Variants in BLM observed in about 807,000 individuals in gnomAD.
The protein encoded by BLM is recQ-like DNA helicase BLM.
Under a neutral mutation model 135.3 loss-of-function variants are expected in BLM, and 95 were observed. The ratio of observed to expected loss-of-function variants is 0.70; its 90% CI spans 0.59 to 0.83. The LOEUF (loss-of-function observed/expected upper bound fraction) is 0.83, where lower values mean the gene tolerates loss of function less well. Ranked by LOEUF, BLM falls within the 40% of genes least tolerant of loss-of-function variation. The pLI is 0.00. For synonymous variants in BLM, 520 were observed against 589.2 expected (o/e 0.88, Z 1.70); for missense variants, 1,518 against 1,663.9 (o/e 0.91, Z 1.53).
rs754875148 is a variant in BLM, at chr15:90,815,270, A to G, written c.4245A>G (p.Ala1415=). ...GACCGTTTCTTAAGCCTTCATATGC[A>G]TTCTCATAACAACCGAATCTCAATG... The part of the protein sequence containing the change: ...INRPFLKPSY[A]FS The change falls in exon 22 of 22, where the codon GCA becomes GCG. Residue 1415 remains alanine (A), a synonymous_variant. Transcript: ENST00000355112. This position sits in a 1 kb window ranked among gnomAD's most constrained non-coding sequence, Gnocchi z 4.6. 1 of 1,614,060 alleles carries G rather than the reference A, an allele frequency of 6.2e-7. No individual in the cohort carries two copies. The highest frequency in any genetic ancestry group is 2.2e-5 in the East Asian group (1 of 44,882).
At chr15:90,748,342 A>G (rs1264727481) in intron 2 of BLM, among the ~76,000 whole-genome samples, 3 of 150,704 alleles carry the variant, frequency 2.0e-5, no homozygotes, top group Non-Finnish European at 3.0e-5. Flanking sequence ...TCCTGACCTC[A>G]AGTGATCCGC....
chr15:90,756,190 G>A (rs1436838549), intron 5 of BLM, among the ~76,000 whole-genome samples: 1 of 151,086 alleles, frequency 6.6e-6, no homozygotes, highest in Non-Finnish European at 1.5e-5. Context: ...TGCAGCCTCC[G>A]CCTTCCAGGA....
At chr15:90,798,411 T>C (rs1249628340) in intron 17 of BLM, 74 bp downstream of exon 17, 1 of 1,485,434 alleles carries the variant, frequency 6.7e-7, no homozygotes, top group African/African-American at 1.4e-5. Context: ...TACAAGTACA[T>C]AGAAAAACTT....
At chr15:90,724,821 G>A (rs913324105) in intron 1 of BLM, among the ~76,000 whole-genome samples, 4 of 152,072 alleles carry the variant, frequency 2.6e-5, no homozygotes, top group Non-Finnish European at 4.4e-5. Flanking sequence ...GGGTTTTTAC[G>A]TAGGCCTCCT....
In BLM at chr15:90,749,896, C is replaced by G. The variant is rs1301077071; in HGVS notation, c.628C>G (p.Pro210Ala). The change falls in exon 3 of 22, where the codon CCA becomes GCA. Residue 210 changes from proline to alanine, a missense_variant. Coordinates refer to ENST00000355112, the MANE Select transcript of BLM (RefSeq NM_000057.4). Reference sequence around the variant, plus strand: ...AAACACAGTAAAGACTGATTTGCCTCCACCCTCCTCTGAAAGCGAGCAAAT... The same window carrying G: ...AAACACAGTAAAGACTGATTTGCCTGCACCCTCCTCTGAAAGCGAGCAAAT... ...TTNTVKTDLPPPSSESEQIDL... is the reference protein window; with the variant it reads ...TTNTVKTDLPAPSSESEQIDL... 2 of 1,612,454 alleles carry G rather than the reference C, an allele frequency of 1.2e-6. No individual in the cohort carries two copies. The highest frequency in any genetic ancestry group is 2.2e-5 in the South Asian group (2 of 91,012).
chr15:90,805,573 A>T (rs992582160), intron 19 of BLM, among the ~76,000 whole-genome samples: 18 of 150,688 alleles, frequency 1.2e-4, no homozygotes, highest in Non-Finnish European at 8.9e-5. Flanking sequence ...GTGGATCATG[A>T]GGTCAGGAGT....
At position 90,811,142 on chromosome 15, in the gene BLM, T is replaced by C. The variant is rs1897404458; in HGVS notation, c.3875-63T>C. The C allele has an allele frequency of 1.9e-6, 3 of 1,563,410 alleles. No homozygotes were observed. The Admixed American group carries it at 5.0e-5, about 26-fold the overall frequency. ...GGCCCCTGCAGCGTGTCTCTTCATA[T>C]ACACTAAAAACACGTGGACCAGTGC... On this transcript the variant is annotated intron_variant, in intron 20 of 21. Coordinates refer to ENST00000355112, the MANE Select transcript of BLM (RefSeq NM_000057.4).
At chr15:90,803,841 C>T (rs192497838) in intron 18 of BLM, 121 bp downstream of exon 18, 178 of 1,026,280 alleles carry the variant, frequency 1.7e-4, no homozygotes, top group African/African-American at 2.8e-4. Context: ...CTGTTCTATA[C>T]GAACATATTC....
intron 21 of BLM, among the ~76,000 whole-genome samples, chr15:90,812,286 C>G (rs978968098): frequency 6.6e-6 from 1 of 152,074 alleles, no homozygotes; most frequent in Admixed American, 6.6e-5. Context: ...ACAGAGAAAC[C>G]AAAAGTTCAG....
At chr15:90,750,444 C>T (rs897455657) in intron 3 of BLM, among the ~76,000 whole-genome samples, 2 of 152,172 alleles carry the variant, frequency 1.3e-5, no homozygotes, top group African/African-American at 4.8e-5. Context: ...CCCTGCAATA[C>T]CGCGACAGTC....
chr15:90,776,922 C>G (rs1304901871), intron 12 of BLM, among the ~76,000 whole-genome samples: 1 of 152,182 alleles, frequency 6.6e-6, no homozygotes, highest in African/African-American at 2.4e-5. Flanking sequence ...GAAATGACCA[C>G]CATATAACCT....
At chr15:90,800,817 A>T (rs1308994761) in intron 17 of BLM, among the ~76,000 whole-genome samples, 2 of 152,108 alleles carry the variant, frequency 1.3e-5, no homozygotes, top group East Asian at 3.9e-4. Flanking sequence ...AACTCCAGGG[A>T]AAAGATTATA....
intron 20 of BLM, among the ~76,000 whole-genome samples, chr15:90,810,778 G>A (rs1056838370): frequency 5.3e-5 from 8 of 152,110 alleles, no homozygotes; most frequent in African/African-American, 1.2e-4. Flanking sequence ...ATACAGGACC[G>A]TTTGTTTCCC....
At chr15:90,800,604 C>T (rs941357331) in intron 17 of BLM, among the ~76,000 whole-genome samples, 4 of 151,890 alleles carry the variant, frequency 2.6e-5, no homozygotes, top group South Asian at 4.2e-4. Context: ...TGCTTGAACC[C>T]GGGAGGCAGA....
intron 4 of BLM, among the ~76,000 whole-genome samples, chr15:90,753,108 G>A (rs1459939340): frequency 6.6e-6 from 1 of 152,182 alleles, no homozygotes; most frequent in Non-Finnish European, 1.5e-5. Flanking sequence ...CATGGTAGTG[G>A]CCTGTAGTCC....
chr15:90,770,875 A>C (rs1896294154), intron 12 of BLM, among the ~76,000 whole-genome samples: 1 of 152,240 alleles, frequency 6.6e-6, no homozygotes, highest in South Asian at 2.1e-4. Flanking sequence ...ATAGCTACAA[A>C]AGCTTTTGCA....
At chr15:90,790,008 T>TTTTTTTG (rs1896863075) in intron 14 of BLM, among the ~76,000 whole-genome samples, 1 of 126,136 alleles carries the variant, frequency 7.9e-6, no homozygotes, top group African/African-American at 3.6e-5. Flanking sequence ...TTTTTTTTTT[T>TTTTTTTG]TTTTTTTTTT....
intron 5 of BLM, 109 bp from the exon 6 acceptor site, chr15:90,760,038 C>T (rs1453442480): frequency 9.4e-7 from 1 of 1,064,434 alleles, no homozygotes; most frequent in East Asian, 2.6e-5. Flanking sequence ...AATCCTCCTG[C>T]CTTGGCCTCC....
At chr15:90,813,069 C>G (rs901579500) in intron 21 of BLM, among the ~76,000 whole-genome samples, 1 of 152,152 alleles carries the variant, frequency 6.6e-6, no homozygotes, top group South Asian at 2.1e-4. Context: ...GAGGGCTTAT[C>G]GGAGGACAAC....
Sources: allele counts gnomAD v4.1 joint callset (sites outside exome capture counted in the v4.1 genomes callset), GRCh38; gene constraint gnomAD v4.1.1; non-coding constraint Gnocchi (gnomAD v3.1); transcripts MANE v1.5; gene names NCBI Gene and HGNC (gene_info 2026-07-23, HGNC 2026-07-21).